Variants in BCL9 observed in about 807,000 individuals in gnomAD.
BCL9 encodes B-cell CLL/lymphoma 9 protein.
BCL9 carries 25 observed loss-of-function variants against 88.5 expected under a neutral mutation model. The ratio of observed to expected loss-of-function variants is 0.28; its 90% confidence interval spans 0.21 to 0.39. The LOEUF (loss-of-function observed/expected upper bound fraction) is 0.39, where lower values mean the gene tolerates loss of function less well. Among genes scored for constraint, BCL9 ranks in the 10% least tolerant of loss-of-function variants. The pLI is 1.00. For synonymous variants in BCL9, 711 were observed against 673.3 expected (o/e 1.06, Z -0.87); for missense variants, 1,817 against 1,877.8 (o/e 0.97, Z 0.60).
intron 1 of BCL9, among the ~76,000 whole-genome samples, chr1:147,583,664 A>C (rs1553198880): frequency 1.3e-5 from 2 of 151,920 alleles, no homozygotes; most frequent in African/African-American, 4.8e-5. Context: ...AATTTTTAAA[A>C]ATTTTTGGCC....
intron 2 of BCL9, among the ~76,000 whole-genome samples, chr1:147,605,438 T>G (rs900902255): frequency 1.3e-5 from 2 of 152,206 alleles, no homozygotes; most frequent in African/African-American, 4.8e-5. Flanking sequence ...AGAAGGGACA[T>G]CTGTGCTGAA....
intron 1 of BCL9, among the ~76,000 whole-genome samples, chr1:147,547,630 T>C (rs910482921): frequency 6.6e-6 from 1 of 152,240 alleles, no homozygotes; most frequent in African/African-American, 2.4e-5. Context: ...ATTTTTTGAC[T>C]TACAATGTTC....
At chr1:147,616,383 G>A (rs181151124) in intron 7 of BCL9, among the ~76,000 whole-genome samples, 1 of 152,306 alleles carries the variant, frequency 6.6e-6, no homozygotes, top group Non-Finnish European at 1.5e-5. Context: ...ACCATTGAAT[G>A]TTTTTAATTG....
chr1:147,599,331 T>G, intron 1 of BCL9, among the ~76,000 whole-genome samples: 1 of 152,198 alleles, frequency 6.6e-6, no homozygotes, highest in Non-Finnish European at 1.5e-5. Flanking sequence ...GGGGTGGAAC[T>G]GCGTCCCGAA....
At chr1:147,599,135 C>T (rs1359850511) in intron 1 of BCL9, among the ~76,000 whole-genome samples, 2 of 152,202 alleles carry the variant, frequency 1.3e-5, no homozygotes, top group Non-Finnish European at 2.9e-5. Context: ...ATGCCTGAGC[C>T]AGGCTGGGCT....
chr1:147,547,016 T>C (rs1451741110), intron 1 of BCL9, among the ~76,000 whole-genome samples: 2 of 152,126 alleles, frequency 1.3e-5, no homozygotes, highest in African/African-American at 4.8e-5. Context: ...TTTTTTATAT[T>C]GTGCTCACAT....
intron 1 of BCL9, among the ~76,000 whole-genome samples, chr1:147,591,700 T>C (rs1440516623): frequency 1.3e-5 from 2 of 152,168 alleles, no homozygotes; most frequent in Non-Finnish European, 2.9e-5. Flanking sequence ...CTTGGCTCCT[T>C]GTCTCTCCCT....
At chr1:147,566,575 T>C (rs1655606502) in intron 1 of BCL9, among the ~76,000 whole-genome samples, 2 of 151,766 alleles carry the variant, frequency 1.3e-5, no homozygotes, top group African/African-American at 4.8e-5. Context: ...GCTAACACGG[T>C]GAAACCCTGT....
At chr1:147,605,584 A>G (rs978974861) in intron 2 of BCL9, among the ~76,000 whole-genome samples, 9 of 152,236 alleles carry the variant, frequency 5.9e-5, no homozygotes, top group African/African-American at 1.7e-4. Flanking sequence ...TGACAGAGGT[A>G]TTTTTACCCC....
intron 1 of BCL9, among the ~76,000 whole-genome samples, chr1:147,584,622 T>C (rs1184859434): frequency 6.6e-6 from 1 of 152,244 alleles, no homozygotes; most frequent in African/African-American, 2.4e-5. Context: ...TCCACCTTAT[T>C]GTTCCTGATT....
chr1:147,554,149 T>C (rs1655003733), intron 1 of BCL9, among the ~76,000 whole-genome samples: 1 of 152,232 alleles, frequency 6.6e-6, no homozygotes, highest in East Asian at 1.9e-4. Context: ...GTGTGCATAA[T>C]TTGCCATTGA....
intron 1 of BCL9, among the ~76,000 whole-genome samples, chr1:147,599,477 G>C (rs1657223785): frequency 7.3e-6 from 1 of 137,096 alleles, no homozygotes; most frequent in Non-Finnish European, 1.5e-5. Flanking sequence ...CCCCCTCCGC[G>C]CCTTTCCTGG....
chr1:147,608,829 C>T (rs1372836290), intron 3 of BCL9, among the ~76,000 whole-genome samples: 9 of 152,218 alleles, frequency 5.9e-5, no homozygotes, highest in Non-Finnish European at 8.8e-5. Context: ...CAAGGCTCTA[C>T]TTTAACAGGC....
rs1658876236 is a variant in BCL9, at chr1:147,625,159, T to G, written c.*200T>G. On this transcript the variant is annotated 3_prime_UTR_variant, in exon 10 of 10. Coordinates refer to ENST00000234739, the MANE Select transcript of BCL9 (RefSeq NM_004326.4). The stretch of plus-strand genomic sequence containing the variant: ...ATTATTCATTTAATCAACAGGTGTG[T>G]TTTTTTTAAGATTTATTTTTTAAAA... 3.3e-6 allele frequency: 2 copies of G among 602,454 alleles called. No homozygotes were observed. The highest frequency in any genetic ancestry group is 6.0e-5 in the East Asian group (2 of 33,370). The allele number at this position is 602,454 out of a possible 1,614,324, so 37.3% of individuals were successfully genotyped here.
At chr1:147,612,546 CTGTT>C (rs1480108594) in intron 4 of BCL9, among the ~76,000 whole-genome samples, 2 of 152,114 alleles carry the variant, frequency 1.3e-5, no homozygotes, top group Non-Finnish European at 2.9e-5. Flanking sequence ...TTAACGATGC[CTGTT>C]TGTTTACTCT....
At chr1:147,566,972 A>G (rs1354737433) in intron 1 of BCL9, among the ~76,000 whole-genome samples, 1 of 152,140 alleles carries the variant, frequency 6.6e-6, no homozygotes, top group Admixed American at 6.5e-5. Context: ...GAAAAAAAGC[A>G]TTAAATTGGG....
At chr1:147,617,978 T>C (rs1159707217) in intron 7 of BCL9, among the ~76,000 whole-genome samples, 1 of 152,160 alleles carries the variant, frequency 6.6e-6, no homozygotes, top group Non-Finnish European at 1.5e-5. Flanking sequence ...TGAGTGTGCT[T>C]CTACCCTGGA....
At chr1:147,598,752 G>A (rs1475905125) in intron 1 of BCL9, among the ~76,000 whole-genome samples, 18 of 152,198 alleles carry the variant, frequency 1.2e-4, no homozygotes, top group Admixed American at 1.2e-3. Flanking sequence ...CACAGTTGCC[G>A]AAGCAGCTAA....
intron 3 of BCL9, among the ~76,000 whole-genome samples, chr1:147,608,328 T>TG (rs1417393200): frequency 1.1e-5 from 1 of 91,016 alleles, no homozygotes; most frequent in African/African-American, 4.5e-5. Context: ...GGTTTTGTTT[T>TG]GCTTTTTTTT....
Sources: gnomAD v4.1 joint callset for allele counts (sites outside exome capture counted in the v4.1 genomes callset) on GRCh38, gnomAD v4.1.1 for gene constraint, MANE v1.5 for transcripts, NCBI Gene and HGNC (gene_info 2026-07-23, HGNC 2026-07-21) for gene names.